STXBP5: variants seen among roughly 807,000 people sequenced by gnomAD.
STXBP5 encodes syntaxin binding protein 5.
Under a neutral mutation model 152.4 loss-of-function variants are expected in STXBP5, and 50 were observed. That is an observed-to-expected ratio of 0.33 (90% confidence interval 0.26 to 0.42). The LOEUF (loss-of-function observed/expected upper bound fraction) is 0.42, where lower values mean the gene tolerates loss of function less well. STXBP5 is among the 10% of genes least tolerant of loss of function. The pLI is 1.00. For synonymous variants in STXBP5, 492 were observed against 494.7 expected (o/e 0.99, Z 0.07); for missense variants, 1,167 against 1,388.6 (o/e 0.84, Z 2.54).
intron 8 of STXBP5, among the ~76,000 whole-genome samples, chr6:147,281,756 G>A (rs974257294): frequency 6.6e-5 from 10 of 152,304 alleles, no homozygotes; most frequent in Admixed American, 6.5e-4. Flanking sequence ...AGGGTGTTTA[G>A]TGTTAAAAAT....
At chr6:147,324,263 GGTTTTTTTTTTT>G (rs1370046627) in intron 16 of STXBP5, among the ~76,000 whole-genome samples, 12 of 85,044 alleles carry the variant, frequency 1.4e-4, no homozygotes, top group Admixed American at 4.6e-4. Context: ...GTTTTTTTTT[GGTTTTTTTTTTT>G]TTTTTTTTTT....
rs1022158595 is a variant in STXBP5, at chr6:147,239,076, A to G, written c.331-94A>G. On this transcript the variant is annotated intron_variant, in intron 3 of 27. Transcript: ENST00000321680. The stretch of plus-strand genomic sequence containing the variant: ...CTAAATCTGTTGGCAGAAAGTTTTG[A>G]AATTTGGGAAGGAGATATTTCTGGC... 14 of 1,143,348 alleles carry G rather than the reference A, an allele frequency of 1.2e-5. No individual in the cohort carries two copies. In the African/African-American group the frequency reaches 1.6e-4, roughly 13 times the overall value. The allele number at this position is 1,143,348 out of a possible 1,614,324, so 70.8% of individuals were successfully genotyped here. A position where few individuals can be genotyped will look rare whatever the true frequency, so the allele number is the denominator to read the frequency against.
intron 10 of STXBP5, 68 bp from the exon 11 acceptor site, chr6:147,311,387 A>T: frequency 7.8e-7 from 1 of 1,289,680 alleles, no homozygotes; most frequent in Admixed American, 1.8e-5. Flanking sequence ...ATCAAGCAAG[A>T]AACATTTATC....
chr6:147,263,561 T>G (rs1408170996), intron 6 of STXBP5, among the ~76,000 whole-genome samples: 1 of 151,996 alleles, frequency 6.6e-6, no homozygotes, highest in Non-Finnish European at 1.5e-5. Flanking sequence ...ATCTAACAAA[T>G]AAAATCAGTT....
At chr6:147,319,813 T>A (rs1295510423) in intron 16 of STXBP5, among the ~76,000 whole-genome samples, 1 of 150,350 alleles carries the variant, frequency 6.7e-6, no homozygotes, top group Non-Finnish European at 1.5e-5. Context: ...ATACTTCTCT[T>A]TACCTATCTG....
chr6:147,384,606 C>A, intron 27 of STXBP5, 108 bp from the exon 28 acceptor site: 1 of 1,124,850 alleles, frequency 8.9e-7, no homozygotes, highest in Non-Finnish European at 1.3e-6. Context: ...AGTAGCACTA[C>A]AGAATATTGC....
intron 2 of STXBP5, among the ~76,000 whole-genome samples, chr6:147,227,349 A>ACATGCCCTACCTTGCC (rs1777770661): frequency 6.6e-6 from 1 of 152,162 alleles, no homozygotes. Flanking sequence ...GATGAAAAGA[A>ACATGCCCTACCTTGCC]CATGCCCTAC....
chr6:147,314,141 A>G lies in STXBP5; in HGVS notation c.1293+110A>G, dbSNP rs148204724. On this transcript the variant is annotated intron_variant, in intron 12 of 27. Coordinates refer to ENST00000321680, the MANE Select transcript of STXBP5 (RefSeq NM_001127715.4). ...CCTTTTCTATGGAAAATAGGTTAAAAATTATTTTTGCAAGCAAAATATGTT... is the reference window on the plus strand; with the variant it reads ...CCTTTTCTATGGAAAATAGGTTAAAGATTATTTTTGCAAGCAAAATATGTT... The G allele has an allele frequency of 1.5e-3, 2,228 of 1,470,864 alleles. 33 individuals carry two copies. In the African/African-American group the frequency reaches 0.028, roughly 18 times the overall value. 91.1% of individuals were successfully genotyped at this position (1,470,864 alleles called of 1,614,324 possible).
chr6:147,357,855 A>G (rs868101084), intron 22 of STXBP5, among the ~76,000 whole-genome samples: 1 of 152,138 alleles, frequency 6.6e-6, no homozygotes, highest in South Asian at 2.1e-4. Flanking sequence ...GGGAAATTAT[A>G]TGGTTTGGTT....
intron 18 of STXBP5, 145 bp downstream of exon 18, chr6:147,327,421 TGA>T (rs1783321728): frequency 9.9e-7 from 1 of 1,013,258 alleles, no homozygotes; most frequent in Non-Finnish European, 1.4e-6. Flanking sequence ...GCAAAAGTTG[TGA>T]GTCTTATTTT....
chr6:147,267,242 T>C, intron 7 of STXBP5, 75 bp downstream of exon 7: 1 of 1,273,286 alleles, frequency 7.9e-7, no homozygotes, highest in South Asian at 1.4e-5. Flanking sequence ...ACTTAATTGG[T>C]AATTTTACTT....
intron 25 of STXBP5, among the ~76,000 whole-genome samples, chr6:147,366,228 C>T (rs182421496): frequency 2.3e-4 from 35 of 152,264 alleles, no homozygotes; most frequent in Non-Finnish European, 4.0e-4. Context: ...CTATTCAGCA[C>T]GTACACGTGA....
chr6:147,376,332 A>G (rs775694160), intron 26 of STXBP5, among the ~76,000 whole-genome samples: 46 of 152,228 alleles, frequency 3.0e-4, no homozygotes, highest in Middle Eastern at 3.2e-3. Flanking sequence ...AAAATAGAAC[A>G]TAACTTCCAG....
chr6:147,345,166 A>C (rs928941612), intron 21 of STXBP5, among the ~76,000 whole-genome samples: 4 of 152,184 alleles, frequency 2.6e-5, no homozygotes, highest in African/African-American at 9.6e-5. Flanking sequence ...CTATATAAGT[A>C]AAATTCCAAT....
intron 8 of STXBP5, among the ~76,000 whole-genome samples, chr6:147,284,868 T>G (rs995497109): frequency 2.6e-5 from 4 of 152,196 alleles, no homozygotes; most frequent in Non-Finnish European, 5.9e-5. Flanking sequence ...AGTAATTGAG[T>G]TTTTAGTGAG....
At chr6:147,259,141 G>A (rs936546633) in intron 4 of STXBP5, among the ~76,000 whole-genome samples, 15 of 152,048 alleles carry the variant, frequency 9.9e-5, no homozygotes, top group Non-Finnish European at 1.6e-4. Context: ...AGTCATTCTA[G>A]AGACCTTATT....
chr6:147,213,477 T>TGTGTGCGCGCGCGCGCGCGC, intron 2 of STXBP5, among the ~76,000 whole-genome samples: 23 of 131,272 alleles, frequency 1.8e-4, no homozygotes, highest in Non-Finnish European at 2.7e-4. Flanking sequence ...TGTGTGTGTG[T>TGTGTGCGCGCGCGCGCGCGC]GCGCGCGCAT....
intron 8 of STXBP5, among the ~76,000 whole-genome samples, chr6:147,278,806 T>C (rs1780565863): frequency 6.6e-6 from 1 of 152,030 alleles, no homozygotes; most frequent in African/African-American, 2.4e-5. Flanking sequence ...CTTCTTGGAG[T>C]TATTTTCTTA....
Position 147,385,106 on chromosome 6 carries a change from G to A in STXBP5, c.*351G>A, listed in dbSNP as rs7761807. 1.4e-3 allele frequency: 331 copies of A among 238,640 alleles called. 1 individual carries two copies. Among genetic ancestry groups the A allele is most frequent in the African/African-American group, 7.3e-3 (316 of 43,432 alleles). The allele number at this position is 238,640 out of a possible 1,614,324, so 14.8% of individuals were successfully genotyped here. The stretch of plus-strand genomic sequence containing the variant: ...TTCATATGCCAAAAGGGTTTGTGCC[G>A]TTTTATCTGCCATCAGTGTTTGACC... On this transcript the variant is annotated 3_prime_UTR_variant, in exon 28 of 28. Transcript: ENST00000321680.
Sources: gnomAD v4.1 joint callset for allele counts (sites outside exome capture counted in the v4.1 genomes callset) on GRCh38, gnomAD v4.1.1 for gene constraint, MANE v1.5 for transcripts, NCBI Gene and HGNC (gene_info 2026-07-23, HGNC 2026-07-21) for gene names.